The following DAB1 variants were observed in gnomAD, a reference collection of about 807,000 sequenced individuals.
The protein encoded by DAB1 is DAB adaptor protein 1.
A neutral mutation model predicts 64.6 loss-of-function variants in DAB1; 15 were observed. That is an observed-to-expected ratio of 0.23 (90% CI 0.16 to 0.36). The LOEUF is 0.36. Ranked by LOEUF, DAB1 falls within the 10% of genes least tolerant of loss-of-function variation. The pLI is 1.00. For missense variants in DAB1, 596 were observed against 706.7 expected (o/e 0.84, Z 1.78); for synonymous variants, 235 against 251.9 (o/e 0.93, Z 0.64).
At chr1:57,751,686 C>T (rs560324087) in intron 6 of DAB1, among the ~76,000 whole-genome samples, 7 of 152,000 alleles carry the variant, frequency 4.6e-5, no homozygotes, top group Non-Finnish European at 1.0e-4. Flanking sequence ...TGCAAAGGAA[C>T]CAGGCAGGCA....
At chr1:58,024,379 C>G (rs1252655103) in intron 5 of DAB1, among the ~76,000 whole-genome samples, 2 of 152,148 alleles carry the variant, frequency 1.3e-5, no homozygotes, top group Non-Finnish European at 2.9e-5. Context: ...AACAACCCAT[C>G]TCAAAAATGA....
At chr1:57,712,431 T>A (rs897438680) in intron 6 of DAB1, among the ~76,000 whole-genome samples, 9 of 152,250 alleles carry the variant, frequency 5.9e-5, no homozygotes, top group African/African-American at 2.2e-4. Context: ...GATAATTGAA[T>A]CAAGTTTTGT....
At chr1:57,270,935 TG>T (rs1400277036) in intron 2 of DAB1, among the ~76,000 whole-genome samples, 6 of 152,286 alleles carry the variant, frequency 3.9e-5, no homozygotes, top group Non-Finnish European at 7.4e-5. Context: ...GAGCAGGGAC[TG>T]GGGTGGGTGA....
At chr1:57,074,476 G>A (rs576265346) in intron 4 of DAB1, among the ~76,000 whole-genome samples, 1 of 152,236 alleles carries the variant, frequency 6.6e-6, no homozygotes, top group East Asian at 1.9e-4. Flanking sequence ...GTGGGCCTCT[G>A]GATTTCACGA....
At chr1:58,540,981 T>C (rs1646598124) in intron 1 of DAB1, among the ~76,000 whole-genome samples, 1 of 152,010 alleles carries the variant, frequency 6.6e-6, no homozygotes, top group South Asian at 2.1e-4. Context: ...AATCTTAAAC[T>C]TGACATCTTA....
chr1:58,483,297 CCT>C (rs1360481044), intron 3 of DAB1, among the ~76,000 whole-genome samples: 1 of 152,092 alleles, frequency 6.6e-6, no homozygotes, highest in Non-Finnish European at 1.5e-5. Context: ...TTCCAGATAC[CCT>C]GAGTGGGGTA....
chr1:57,183,611 G>T (rs1191874274), intron 2 of DAB1, among the ~76,000 whole-genome samples: 1 of 152,152 alleles, frequency 6.6e-6, no homozygotes, highest in Non-Finnish European at 1.5e-5. Flanking sequence ...ACTGGATGCA[G>T]GAATCCCAAG....
At chr1:58,147,260 TCA>T (rs1309144788) in intron 5 of DAB1, among the ~76,000 whole-genome samples, 6 of 138,982 alleles carry the variant, frequency 4.3e-5, no homozygotes, top group Admixed American at 2.3e-4. Flanking sequence ...TGAGCTGAGA[TCA>T]TGTCACTGCA....
chr1:58,535,689 C>A (rs913098695), intron 1 of DAB1, among the ~76,000 whole-genome samples: 5 of 151,694 alleles, frequency 3.3e-5, no homozygotes, highest in African/African-American at 2.4e-5. Flanking sequence ...AGCCACAGGG[C>A]ACATAACATG....
At chr1:57,074,905 CAGT>C (rs1005841261) in intron 4 of DAB1, among the ~76,000 whole-genome samples, 140 of 152,266 alleles carry the variant, frequency 9.2e-4, no homozygotes, top group African/African-American at 2.2e-3. Context: ...ATTGCTCAAA[CAGT>C]GGTAGCTTTT....
At chr1:57,339,027 A>G (rs995069871) in intron 1 of DAB1, among the ~76,000 whole-genome samples, 2 of 152,148 alleles carry the variant, frequency 1.3e-5, no homozygotes, top group Admixed American at 6.5e-5. Flanking sequence ...CGGATGTGAG[A>G]AGGTGTATAT....
chr1:58,381,605 A>T (rs1464367582), intron 3 of DAB1, among the ~76,000 whole-genome samples: 1 of 152,246 alleles, frequency 6.6e-6, no homozygotes, highest in Non-Finnish European at 1.5e-5. Context: ...ATGTACTCAG[A>T]TTCAGGATAC....
At chr1:57,792,173 T>C (rs1391166120) in intron 6 of DAB1, among the ~76,000 whole-genome samples, 1 of 152,224 alleles carries the variant, frequency 6.6e-6, no homozygotes, top group African/African-American at 2.4e-5. Flanking sequence ...TATTCTCATC[T>C]TGACATCCCC....
Position 56,999,466 on chromosome 1 carries a change from G to A in DAB1, c.*16-1338C>T, listed in dbSNP as rs138224566. ...CCATTGGTGCTTCAGAGTTTACAAA[G>A]CACCTCATGTCTTATTTATCTGCCT... On this transcript the variant is annotated intron_variant, in intron 14 of 14. Coordinates refer to ENST00000371236, the MANE Select transcript of DAB1 (RefSeq NM_001365792.1). Among the ~76,000 whole-genome samples the A allele has an allele frequency of 1.2e-4, 19 of 152,300 alleles. No homozygotes were observed. In the East Asian group the frequency reaches 3.7e-3, roughly 29 times the overall value.
chr1:57,860,370 A>G (rs552388530), intron 1 of DAB1, among the ~76,000 whole-genome samples: 1 of 152,314 alleles, frequency 6.6e-6, no homozygotes, highest in Non-Finnish European at 1.5e-5. Context: ...CACGGTAGTC[A>G]CTGAGAGTCA....
chr1:57,495,414 A>C lies in DAB1; in HGVS notation n.625+154178T>G, dbSNP rs2805879. ...TTCTGGGCTTTTCTGAGTGCAAATA[A>C]CTTTTCATTTCAAAGATGAATTACG... On this transcript the variant is annotated intron_variant and non_coding_transcript_variant, in intron 7 of 20. Transcript: ENST00000485760. Among the ~76,000 whole-genome samples the C allele has an allele frequency of 2.3e-3, 349 of 152,302 alleles. 3 individuals are homozygous for C. The highest frequency in any genetic ancestry group is 7.8e-3 in the African/African-American group (324 of 41,574).
chr1:58,245,791 G>A (rs895918574), intron 4 of DAB1, among the ~76,000 whole-genome samples: 1 of 152,076 alleles, frequency 6.6e-6, no homozygotes, highest in East Asian at 1.9e-4. Context: ...ACTAGTATTC[G>A]TGTTCTACTT....
intron 4 of DAB1, among the ~76,000 whole-genome samples, chr1:58,207,844 T>C (rs1335438483): frequency 6.6e-6 from 1 of 152,156 alleles, no homozygotes; most frequent in Non-Finnish European, 1.5e-5. Context: ...ACAAAGTTAG[T>C]AAGTAGTTGT....
chr1:57,529,495 T>C (rs1221615155), intron 7 of DAB1, among the ~76,000 whole-genome samples: 1 of 152,022 alleles, frequency 6.6e-6, no homozygotes, highest in African/African-American at 2.4e-5. Context: ...GCCCTTGAAA[T>C]ACAAAAACAC....
Sources: gnomAD v4.1 joint callset for allele counts (sites outside exome capture counted in the v4.1 genomes callset) on GRCh38, gnomAD v4.1.1 for gene constraint, MANE v1.5 for transcripts, NCBI Gene and HGNC (gene_info 2026-07-23, HGNC 2026-07-21) for gene names.